The following HPS3 variants were observed in gnomAD, a reference collection of about 807,000 sequenced individuals.
HPS3 encodes HPS3 biogenesis of lysosomal organelles complex 2 subunit 1.
Under a neutral mutation model 110.9 loss-of-function variants are expected in HPS3, and 79 were observed. The observed-to-expected ratio is 0.71, with a 90% CI of 0.59 to 0.86. The LOEUF (loss-of-function observed/expected upper bound fraction) is 0.86, where lower values mean the gene tolerates loss of function less well. HPS3 is among the 40% of genes least tolerant of loss of function. The pLI is 0.00. For synonymous variants in HPS3, 428 were observed against 451.0 expected, an observed-to-expected ratio of 0.95 and a Z score of 0.65; for missense variants, 1,197 against 1,206.2, an observed-to-expected ratio of 0.99 and a Z score of 0.11.
chr3:149,161,381 A>G (rs924138012), intron 11 of HPS3, among the ~76,000 whole-genome samples: 3 of 152,110 alleles, frequency 2.0e-5, no homozygotes, highest in Non-Finnish European at 4.4e-5. Flanking sequence ...ACTTCAAATC[A>G]TCTCTATATT....
chr3:149,150,183 G>C (rs1723011419), intron 5 of HPS3, among the ~76,000 whole-genome samples: 1 of 152,210 alleles, frequency 6.6e-6, no homozygotes, highest in African/African-American at 2.4e-5. Flanking sequence ...AAGAACAACA[G>C]TTAAGAAATG....
intron 1 of HPS3, among the ~76,000 whole-genome samples, chr3:149,134,804 G>A (rs1290133062): frequency 6.6e-6 from 1 of 152,178 alleles, no homozygotes; most frequent in Non-Finnish European, 1.5e-5. Flanking sequence ...CAAGAGTCAT[G>A]TGGGATGGAA....
intron 4 of HPS3, among the ~76,000 whole-genome samples, chr3:149,141,618 C>G (rs1441281157): frequency 1.4e-5 from 2 of 144,482 alleles, no homozygotes; most frequent in African/African-American, 2.6e-5. Context: ...ACTGCAACTT[C>G]TACTTCCTGG....
At chr3:149,154,838 T>C (rs1559917778) in intron 7 of HPS3, among the ~76,000 whole-genome samples, 1 of 152,212 alleles carries the variant, frequency 6.6e-6, no homozygotes, top group Admixed American at 6.5e-5. Context: ...TGCCTGTTCT[T>C]TGAACTTACT....
chr3:149,129,959 C>T lies in HPS3; in HGVS notation c.217+19C>T. 6.5e-7 allele frequency: 1 copy of T among 1,533,842 alleles called. No homozygotes were observed. The highest frequency in any genetic ancestry group is 1.4e-5 in the African/African-American group (1 of 73,042). Reference sequence around the variant, plus strand: ...GAGGCTGGTGAGTAATCTAGAGAGCCAGGGGCCGCCTGGGGTCCAGCTTGA... The same window carrying T: ...GAGGCTGGTGAGTAATCTAGAGAGCTAGGGGCCGCCTGGGGTCCAGCTTGA... On this transcript the variant is annotated intron_variant, in intron 1 of 16. Transcript: ENST00000296051.
chr3:149,141,165 C>T lies in HPS3; in HGVS notation c.861C>T (p.Ser287=), dbSNP rs2108130133. The T allele has an allele frequency of 1.2e-6, 2 of 1,610,522 alleles. No homozygotes were observed. Among genetic ancestry groups the T allele is most frequent in the South Asian group, 1.1e-5 (1 of 90,932 alleles). Residue 287 remains serine, a synonymous_variant, in exon 3 of 17, where the codon TCC becomes TCT. Coordinates refer to ENST00000296051, the MANE Select transcript of HPS3 (RefSeq NM_032383.5). The stretch of plus-strand genomic sequence containing the variant: ...TAGCTGATGAAAAAAGAAAATATTC[C>T]CACTTTCAGCACCTGCTCTATAGGT... ...TGLADEKRKY[S]HFQHLLYRRF...
chr3:149,166,763 G>A (rs1724463992), intron 14 of HPS3, among the ~76,000 whole-genome samples: 1 of 152,038 alleles, frequency 6.6e-6, no homozygotes, highest in African/African-American at 2.4e-5. Context: ...ATGCCCATTG[G>A]TTTTAATTTG....
chr3:149,147,767 A>G lies in HPS3; in HGVS notation c.1163+2221A>G, dbSNP rs567209220. On this transcript the variant is annotated intron_variant, in intron 5 of 16. Coordinates refer to ENST00000296051, the MANE Select transcript of HPS3 (RefSeq NM_032383.5). ...AGGACATTTTTGAGCTTTTCTTATT[A>G]TCAGCACTAAAGGAGACTGACATCA... 3.3e-5 allele frequency among the ~76,000 whole-genome samples: 5 copies of G among 152,312 alleles called. No individual in the cohort carries two copies. The East Asian group carries it at 9.6e-4, about 29-fold the overall frequency.
intron 1 of HPS3, among the ~76,000 whole-genome samples, chr3:149,132,070 G>A (rs1160219164): frequency 6.6e-6 from 1 of 152,220 alleles, no homozygotes; most frequent in African/African-American, 2.4e-5. Flanking sequence ...TTTAAGGGAA[G>A]AAGCTGTCTC....
Position 149,160,180 on chromosome 3 carries a change from T to G in HPS3, c.2007T>G (p.Ser669=). 2 of 1,613,972 alleles carry G rather than the reference T, an allele frequency of 1.2e-6. No individual in the cohort carries two copies. The highest frequency in any genetic ancestry group is 2.2e-5 in the South Asian group (2 of 91,088). Residue 669 remains serine, a synonymous_variant, in exon 11 of 17, where the codon TCT becomes TCG. Transcript: ENST00000296051. Reference sequence around the variant, plus strand: ...GCTATCTAAGGAAGCTGGATACTTCTGGGTTTTCATCGATCTTAGTGACAT... The same window carrying G: ...GCTATCTAAGGAAGCTGGATACTTCGGGGTTTTCATCGATCTTAGTGACAT... ...AMSYLRKLDT[S]GFSSILVTLT... is the part of the protein sequence containing the mutation.
Position 149,173,635 on chromosome 3 carries a change from T to C in HPS3, c.*1413T>C, listed in dbSNP as rs887009880. ...TGTTTATAGTCATTCCAAAGTAACA[T>C]TCTATTTTACACTTTCACATACATT... is the stretch of plus-strand genomic sequence containing the variant. On this transcript the variant is annotated 3_prime_UTR_variant, in exon 17 of 17. Coordinates refer to ENST00000296051, the MANE Select transcript of HPS3 (RefSeq NM_032383.5). The C allele has an allele frequency of 3.2e-6, 3 of 933,926 alleles. No homozygotes were observed. In the African/African-American group the frequency reaches 5.0e-5, roughly 15 times the overall value. The allele number at this position is 933,926 out of a possible 1,614,324, so 57.9% of individuals were successfully genotyped here. A position where few individuals can be genotyped will look rare whatever the true frequency, so the allele number is the denominator to read the frequency against.
chr3:149,151,237 C>T (rs148879496), intron 6 of HPS3, among the ~76,000 whole-genome samples: 1,859 of 150,524 alleles, frequency 0.012, 40 homozygotes, highest in African/African-American at 0.043. Flanking sequence ...TTTGCCGTGT[C>T]GCCCAGGCTG....
intron 16 of HPS3, among the ~76,000 whole-genome samples, chr3:149,168,746 C>T (rs146254050): frequency 1.3e-5 from 2 of 152,234 alleles, no homozygotes; most frequent in Admixed American, 6.5e-5. Flanking sequence ...TCTGTCCTAC[C>T]CGTCTCCCTG....
intron 5 of HPS3, among the ~76,000 whole-genome samples, chr3:149,147,192 G>C (rs1232669619): frequency 6.6e-6 from 1 of 152,068 alleles, no homozygotes; most frequent in East Asian, 1.9e-4. Context: ...TGAAATGTGG[G>C]GCAAAAGAGA....
chr3:149,133,254 A>G (rs1010345728), intron 1 of HPS3, among the ~76,000 whole-genome samples: 117 of 152,282 alleles, frequency 7.7e-4, no homozygotes, highest in African/African-American at 2.7e-3. Context: ...AGGAAGAGTC[A>G]ATTGATGGAG....
At chr3:149,147,632 C>T (rs1722852453) in intron 5 of HPS3, among the ~76,000 whole-genome samples, 1 of 152,088 alleles carries the variant, frequency 6.6e-6, no homozygotes, top group Non-Finnish European at 1.5e-5. Context: ...TCTGTTGCCC[C>T]ATCTCTCTTA....
At chr3:149,140,960 G>T in intron 2 of HPS3, 57 bp from the exon 3 acceptor site, 1 of 1,440,668 alleles carries the variant, frequency 6.9e-7, no homozygotes, top group Non-Finnish European at 9.8e-7. Context: ...TTGGTGAGAG[G>T]ATGTTGTAAA....
intron 1 of HPS3, among the ~76,000 whole-genome samples, chr3:149,135,379 G>A (rs1016289837): frequency 1.3e-5 from 2 of 152,112 alleles, no homozygotes; most frequent in East Asian, 3.9e-4. Context: ...GGGACCAGGT[G>A]GAGGTAATTG....
intron 1 of HPS3, among the ~76,000 whole-genome samples, chr3:149,136,177 C>T (rs13065611): frequency 0.076 from 11,103 of 146,722 alleles, 525 homozygotes; most frequent in South Asian, 0.15. Flanking sequence ...TATATATATA[C>T]ACACACACAT....
Sources: gnomAD v4.1 joint callset for allele counts (sites outside exome capture counted in the v4.1 genomes callset) on GRCh38, gnomAD v4.1.1 for gene constraint, MANE v1.5 for transcripts, NCBI Gene and HGNC (gene_info 2026-07-23, HGNC 2026-07-21) for gene names.